Variants in SEMA6D observed in about 807,000 individuals in gnomAD.
SEMA6D encodes the protein semaphorin-6D.
SEMA6D carries 35 observed loss-of-function variants against 106.6 expected under a neutral mutation model. The observed-to-expected ratio is 0.33, with a 90% CI of 0.25 to 0.44. The LOEUF (loss-of-function observed/expected upper bound fraction) is 0.44. SEMA6D is among the 20% of genes least tolerant of loss of function. The probability of loss-of-function intolerance (pLI) is 1.00; values close to 1 mark genes in which losing one functional copy is unlikely to be tolerated. For synonymous variants in SEMA6D, 499 were observed against 487.7 expected (o/e 1.02, Z -0.31); for missense variants, 1,185 against 1,345.9 (o/e 0.88, Z 1.87).
upstream of SEMA6D, among the ~76,000 whole-genome samples, chr15:47,712,952 C>T (rs1270490992): frequency 1.3e-5 from 2 of 152,014 alleles, no homozygotes; most frequent in Admixed American, 6.6e-5. Flanking sequence ...TCAAAAAGTT[C>T]GTTTTGCTTC....
At chr15:47,586,145 TA>T in intron 3 of SEMA6D, among the ~76,000 whole-genome samples, 1 of 152,338 alleles carries the variant, frequency 6.6e-6, no homozygotes, top group Admixed American at 6.5e-5. Flanking sequence ...TTATTACACA[TA>T]AAAATGACAA....
At chr15:47,413,886 T>C (rs921298320) in intron 2 of SEMA6D, among the ~76,000 whole-genome samples, 1 of 152,220 alleles carries the variant, frequency 6.6e-6, no homozygotes, top group African/African-American at 2.4e-5. Context: ...CCTGATTTGC[T>C]CATTCTTGTA....
intron 1 of SEMA6D, among the ~76,000 whole-genome samples, chr15:47,203,667 C>T (rs1460348977): frequency 6.6e-6 from 1 of 152,112 alleles, no homozygotes; most frequent in African/African-American, 2.4e-5. Flanking sequence ...ATTTGTTATG[C>T]TTTTCTCTAG....
chr15:47,565,022 A>G (rs1803253692), intron 3 of SEMA6D, among the ~76,000 whole-genome samples: 2 of 152,192 alleles, frequency 1.3e-5, no homozygotes, highest in African/African-American at 4.8e-5. Flanking sequence ...TTCACTGGCA[A>G]TAAAATTCCC....
chr15:47,281,570 TATG>T (rs2035118463), intron 1 of SEMA6D, among the ~76,000 whole-genome samples: 1 of 152,002 alleles, frequency 6.6e-6, no homozygotes, highest in East Asian at 1.9e-4. Context: ...ATCCTGTCGT[TATG>T]ATGTTAGCTG....
intron 1 of SEMA6D, among the ~76,000 whole-genome samples, chr15:47,275,960 A>T (rs2034789898): frequency 2.0e-5 from 3 of 152,132 alleles, no homozygotes; most frequent in Admixed American, 2.0e-4. Flanking sequence ...TGAAAGCGAA[A>T]CATTTTTACT....
intron 1 of SEMA6D, among the ~76,000 whole-genome samples, chr15:47,284,303 G>A (rs1259811278): frequency 6.6e-6 from 1 of 152,158 alleles, no homozygotes; most frequent in Non-Finnish European, 1.5e-5. Flanking sequence ...TTTTAAAAGA[G>A]AAATTTAAAA....
rs181091611 is a variant in SEMA6D at position 47,519,329 on chromosome 15, C to G, written c.-87+48784C>G. Among the ~76,000 whole-genome samples the G allele has an allele frequency of 7.2e-5, 11 of 152,222 alleles. No individual in the cohort carries two copies. The South Asian group carries it at 1.0e-3, about 14-fold the overall frequency. On this transcript the variant is annotated intron_variant, in intron 3 of 19. Transcript: ENST00000558014. ...CGTTGCAATACGACATTTTGATAGC[C>G]AGGGCATCACTAGGTAACAGAAATT...
rs1414063460 is a variant in SEMA6D at position 47,772,367 on chromosome 15, T to TGTGTGC, written c.*587_*588insCGTGTG. 2 of 153,238 alleles carry TGTGTGC rather than the reference T, an allele frequency of 1.3e-5. No individual in the cohort carries two copies. Among genetic ancestry groups the TGTGTGC allele is most frequent in the African/African-American group, 2.4e-5 (1 of 41,072 alleles). 9.5% of individuals were successfully genotyped at this position (153,238 alleles called of 1,614,324 possible). On this transcript the variant is annotated 3_prime_UTR_variant, in exon 19 of 19. Transcript: ENST00000536845. ...CTTGTTGTGTGTGTGCGTGTGTGTG[T>TGTGTGC]GTGTGTGTGTGTGTGTGTGTGTGTT...
At chr15:47,712,329 G>A (rs2079037121) in intron 4 of SEMA6D, among the ~76,000 whole-genome samples, 3 of 152,038 alleles carry the variant, frequency 2.0e-5, no homozygotes, top group Admixed American at 6.6e-5. Flanking sequence ...TTCATAGAAT[G>A]GTATACTAGA....
chr15:47,594,341 C>T (rs1301317433), intron 3 of SEMA6D, among the ~76,000 whole-genome samples: 2 of 152,058 alleles, frequency 1.3e-5, no homozygotes, highest in Non-Finnish European at 2.9e-5. Context: ...CTTTAAAGGC[C>T]AGTACTTATT....
At chr15:47,516,754 C>G (rs191649110) in intron 3 of SEMA6D, among the ~76,000 whole-genome samples, 1 of 152,080 alleles carries the variant, frequency 6.6e-6, no homozygotes, top group East Asian at 1.9e-4. Context: ...CAAAGTGATG[C>G]GTATTGATGA....
At chr15:47,207,993 G>GCGCGCACACACACA (rs1424944556) in intron 1 of SEMA6D, among the ~76,000 whole-genome samples, 45 of 89,438 alleles carry the variant, frequency 5.0e-4, no homozygotes, top group African/African-American at 1.1e-3. Flanking sequence ...TGGCGCGCGC[G>GCGCGCACACACACA]CACACACACA....
At position 47,453,288 on chromosome 15, in the gene SEMA6D, A is replaced by G. The variant is rs537966505; in HGVS notation, c.-158-17186A>G. Among the ~76,000 whole-genome samples, 51 of 148,002 alleles carry G rather than the reference A, an allele frequency of 3.4e-4. No individual in the cohort carries two copies. The East Asian group carries it at 7.3e-3, about 21-fold the overall frequency. On this transcript the variant is annotated intron_variant, in intron 2 of 19. Coordinates refer to the SEMA6D transcript ENST00000558014. ...TAAAAATGACTTAAGTGCCCTTTCG[A>G]AAAAAAAAACACCCTTTCAACAAAT...
At chr15:47,302,256 AG>A (rs2036052753) in intron 1 of SEMA6D, among the ~76,000 whole-genome samples, 1 of 152,092 alleles carries the variant, frequency 6.6e-6, no homozygotes, top group Admixed American at 6.6e-5. Context: ...CTGCCCTTTT[AG>A]GGTTATATTA....
At chr15:47,490,057 C>T (rs1193593553) in intron 3 of SEMA6D, among the ~76,000 whole-genome samples, 1 of 152,186 alleles carries the variant, frequency 6.6e-6, no homozygotes, top group Admixed American at 6.5e-5. Flanking sequence ...GCATCTGCTT[C>T]TGTGAAGGTT....
chr15:47,589,197 C>G lies in SEMA6D; in HGVS notation c.-86-11668C>G, dbSNP rs192439431. ...TCAGGGTGTGTGCATGGCTAGACAGCAGAGGGCACCACTCCCACCACACCA... is the reference window on the plus strand; with the variant it reads ...TCAGGGTGTGTGCATGGCTAGACAGGAGAGGGCACCACTCCCACCACACCA... On this transcript the variant is annotated intron_variant, in intron 3 of 19. Transcript: ENST00000558014. 3.3e-3 allele frequency among the ~76,000 whole-genome samples: 498 copies of G among 152,266 alleles called. 3 individuals are homozygous for G. Among genetic ancestry groups the G allele is most frequent in the African/African-American group, 0.012 (481 of 41,554 alleles).
chr15:47,569,600 A>G (rs1164280015), intron 3 of SEMA6D, among the ~76,000 whole-genome samples: 1 of 152,168 alleles, frequency 6.6e-6, no homozygotes, highest in Admixed American at 6.5e-5. Context: ...TAGGTCCCCA[A>G]CACATTCCCA....
intron 1 of SEMA6D, among the ~76,000 whole-genome samples, chr15:47,285,415 G>C (rs761205543): frequency 1.4e-4 from 21 of 151,930 alleles, no homozygotes; most frequent in Non-Finnish European, 2.4e-4. Context: ...TTATTGGAGA[G>C]GAGTTCACAG....
Sources: gnomAD v4.1 joint callset for allele counts (sites outside exome capture counted in the v4.1 genomes callset) on GRCh38, gnomAD v4.1.1 for gene constraint, MANE v1.5 for transcripts, NCBI Gene and HGNC (gene_info 2026-07-23, HGNC 2026-07-21) for gene names.